PLCE1: variants seen among roughly 807,000 people sequenced by gnomAD.
PLCE1 encodes the protein phospholipase C epsilon 1.
In PLCE1, 119 loss-of-function variants were observed where a neutral mutation model predicts 242.8. The ratio of observed to expected loss-of-function variants is 0.49; its 90% CI spans 0.42 to 0.57. The LOEUF is 0.57. PLCE1 is among the 20% of genes least tolerant of loss of function. The pLI is 0.00. For missense variants in PLCE1, 2,441 were observed against 2,788.8 expected, an observed-to-expected ratio of 0.88 and a Z score of 2.81; for synonymous variants, 945 against 1,017.4, an observed-to-expected ratio of 0.93 and a Z score of 1.35.
intron 25 of PLCE1, among the ~76,000 whole-genome samples, chr10:94,305,145 C>G (rs565636328): frequency 6.6e-6 from 1 of 152,212 alleles, no homozygotes; most frequent in East Asian, 1.9e-4. Context: ...AAAAACAGAC[C>G]TGGCCAGGTG....
chr10:94,239,978 GTC>G (rs1427686093), intron 7 of PLCE1, among the ~76,000 whole-genome samples: 1 of 152,122 alleles, frequency 6.6e-6, no homozygotes, highest in African/African-American at 2.4e-5. Flanking sequence ...CCTTCATACA[GTC>G]TCACTTTCTG....
In PLCE1 at chr10:94,108,200, C is replaced by T. The variant is rs145501031; in HGVS notation, c.1207-23974C>T. ...CCAGTCCATTGGTAAGGCCTCCCAA[C>T]CCCATTCCACCCTATCACAAGCAAG... On this transcript the variant is annotated intron_variant, in intron 2 of 32. Transcript: ENST00000371380. Among the ~76,000 whole-genome samples, 739 of 152,298 alleles carry T rather than the reference C, an allele frequency of 4.9e-3. 2 individuals are homozygous for T. Among genetic ancestry groups the T allele is most frequent in the Non-Finnish European group, 7.4e-3 (501 of 68,016 alleles).
intron 3 of PLCE1, among the ~76,000 whole-genome samples, chr10:94,155,030 T>C (rs1329500287): frequency 6.6e-6 from 1 of 152,058 alleles, no homozygotes; most frequent in East Asian, 1.9e-4. Flanking sequence ...TAAGCATTGC[T>C]GTTGGGAACT....
intron 32 of PLCE1, chr10:94,325,609 A>AG (rs2053982602): frequency 6.7e-6 from 1 of 150,024 alleles, no homozygotes; most frequent in African/African-American, 2.5e-5. Context: ...AAAAAAAAAA[A>AG]GAAAAAAAAA....
chr10:94,080,298 GAC>G (rs1363330369), intron 2 of PLCE1, among the ~76,000 whole-genome samples: 3 of 152,068 alleles, frequency 2.0e-5, no homozygotes, highest in Admixed American at 6.6e-5. Flanking sequence ...CTCTGTCTGG[GAC>G]ACACTCTCCT....
At chr10:94,164,012 G>A (rs1057311590) in intron 3 of PLCE1, among the ~76,000 whole-genome samples, 12 of 152,128 alleles carry the variant, frequency 7.9e-5, no homozygotes, top group East Asian at 1.9e-4. Flanking sequence ...AGTTTCTGCC[G>A]AGAGATCAGC....
rs149077629 is a variant in PLCE1, at chr10:94,135,198, A to G, written c.1492+2739A>G. On this transcript the variant is annotated intron_variant, in intron 3 of 32. Transcript: ENST00000371380. Reference sequence around the variant, plus strand: ...GTTAGCTCAGTTGAACCATTCTACAATGTATACATATTACAAAACATCATG... The same window carrying G: ...GTTAGCTCAGTTGAACCATTCTACAGTGTATACATATTACAAAACATCATG... Among the ~76,000 whole-genome samples, 232 of 152,328 alleles carry G rather than the reference A, an allele frequency of 1.5e-3. 2 individuals are homozygous for G. The highest frequency in any genetic ancestry group is 4.7e-3 in the African/African-American group (195 of 41,574).
intron 24 of PLCE1, among the ~76,000 whole-genome samples, chr10:94,302,894 C>T (rs1443232772): frequency 6.6e-6 from 1 of 152,142 alleles, no homozygotes; most frequent in Non-Finnish European, 1.5e-5. Context: ...TTTACCAACC[C>T]CATATGAGCT....
Position 94,246,684 on chromosome 10 carries a change from A to G in PLCE1, c.3096+63A>G, listed in dbSNP as rs983690433. On this transcript the variant is annotated intron_variant, in intron 8 of 32. Transcript: ENST00000371380. ...AATACTCAAGAGCACACACTGGGTGACCAGACCACCAGGTTCATGCTCCCA... is the reference window on the plus strand; with the variant it reads ...AATACTCAAGAGCACACACTGGGTGGCCAGACCACCAGGTTCATGCTCCCA... The G allele has an allele frequency of 2.6e-5, 38 of 1,444,106 alleles. No homozygotes were observed. The African/African-American group carries it at 4.9e-4, about 19-fold the overall frequency. 89.5% of individuals were successfully genotyped at this position (1,444,106 alleles called of 1,614,324 possible). A position where few individuals can be genotyped will look rare whatever the true frequency, so the allele number is the denominator to read the frequency against.
chr10:94,032,295 T>C (rs751606067), intron 2 of PLCE1, 43 bp downstream of exon 2: 3 of 1,594,364 alleles, frequency 1.9e-6, no homozygotes, highest in Non-Finnish European at 2.6e-6. Context: ...TAAACTTGCT[T>C]TTTTTTTCAA....
Position 94,031,813 on chromosome 10 carries a change from G to T in PLCE1, c.767G>T (p.Cys256Phe). Residue 256 changes from cysteine to phenylalanine, a missense_variant, in exon 2 of 33, where the codon TGT becomes TTT. Around this residue, in one of 5 missense-constraint regions of PLCE1, gnomAD observed 393 missense variants for 378.5 expected, o/e 1.04. Coordinates refer to ENST00000371380, the MANE Select transcript of PLCE1 (RefSeq NM_016341.4). Reference protein sequence around the residue: ...NKNEQLQCDHCDTLNDKYFCF... With the variant: ...NKNEQLQCDHFDTLNDKYFCF... ...AATGAGCAGCTGCAGTGTGATCATT[G>T]TGACACCTTGAATGATAAATACTTT... The T allele has an allele frequency of 6.2e-7, 1 of 1,613,798 alleles. No homozygotes were observed. The highest frequency in any genetic ancestry group is 8.5e-7 in the Non-Finnish European group (1 of 1,179,826).
In PLCE1 at chr10:94,332,368, T is replaced by C. The variant is rs2054169876; in HGVS notation, c.*4425T>C. 6.6e-6 allele frequency: 1 copy of C among 152,136 alleles called. No individual in the cohort carries two copies. Among genetic ancestry groups the C allele is most frequent in the Admixed American group, 6.5e-5 (1 of 15,272 alleles). 9.4% of individuals were successfully genotyped at this position (152,136 alleles called of 1,614,324 possible). A position where few individuals can be genotyped will look rare whatever the true frequency, so the allele number is the denominator to read the frequency against. ...TTTGACTCAGCATGGAAGACTGAGG[T>C]TGTCTTACACCCATTATTTCCCACC... On this transcript the variant is annotated 3_prime_UTR_variant, in exon 33 of 33. Coordinates refer to ENST00000371380, the MANE Select transcript of PLCE1 (RefSeq NM_016341.4).
intron 2 of PLCE1, among the ~76,000 whole-genome samples, chr10:94,098,648 T>C (rs1284130853): frequency 1.3e-5 from 2 of 152,248 alleles, no homozygotes; most frequent in African/African-American, 2.4e-5. Context: ...TTTTCATCTC[T>C]AATAGATTAT....
At chr10:94,022,193 AG>A (rs2061386503) in intron 1 of PLCE1, among the ~76,000 whole-genome samples, 1 of 152,136 alleles carries the variant, frequency 6.6e-6, no homozygotes, top group Non-Finnish European at 1.5e-5. Context: ...GAATTTAACA[AG>A]GTTATAATTT....
chr10:94,311,322 T>C (rs1423938665), intron 27 of PLCE1, among the ~76,000 whole-genome samples: 2 of 152,236 alleles, frequency 1.3e-5, no homozygotes, highest in African/African-American at 4.8e-5. Context: ...CTTCTAATCA[T>C]GCCTTGGTCT....
At chr10:94,116,253 A>G (rs1312804869) in intron 2 of PLCE1, among the ~76,000 whole-genome samples, 1 of 152,170 alleles carries the variant, frequency 6.6e-6, no homozygotes, top group East Asian at 1.9e-4. Flanking sequence ...TGCTATATCT[A>G]TAGAACTTGG....
At chr10:94,029,464 T>TA (rs1056521631) in intron 1 of PLCE1, among the ~76,000 whole-genome samples, 2 of 152,186 alleles carry the variant, frequency 1.3e-5, no homozygotes, top group African/African-American at 4.8e-5. Flanking sequence ...TGTTGATGCA[T>TA]AGGGAGTGTT....
At chr10:94,078,631 A>C (rs1173836281) in intron 2 of PLCE1, among the ~76,000 whole-genome samples, 4 of 152,024 alleles carry the variant, frequency 2.6e-5, no homozygotes, top group Non-Finnish European at 5.9e-5. Flanking sequence ...GATGACAGGC[A>C]CCCACCACCA....
In PLCE1 at chr10:94,031,194, A is replaced by G; in HGVS notation, c.148A>G (p.Thr50Ala). 1 of 1,613,812 alleles carries G rather than the reference A, an allele frequency of 6.2e-7. No homozygotes were observed. Among genetic ancestry groups the G allele is most frequent in the Non-Finnish European group, 8.5e-7 (1 of 1,179,844 alleles). ...ACATACTGTCAGACGAAGTGGGGAGACTTCTCATACCATCTCACAACTGAA... is the reference window on the plus strand; with the variant it reads ...ACATACTGTCAGACGAAGTGGGGAGGCTTCTCATACCATCTCACAACTGAA... ...KAHTVRRSGE[T>A]SHTISQLNKL... Residue 50 changes from threonine (T) to alanine (A), a missense_variant, in exon 2 of 33, where the codon ACT (threonine) becomes GCT (alanine). Around this residue, in one of 5 missense-constraint regions of PLCE1, gnomAD observed 393 missense variants for 378.5 expected, o/e 1.04. Coordinates refer to ENST00000371380, the MANE Select transcript of PLCE1 (RefSeq NM_016341.4).
Sources: allele counts gnomAD v4.1 joint callset (sites outside exome capture counted in the v4.1 genomes callset), GRCh38; gene constraint gnomAD v4.1.1; regional missense constraint gnomAD v4.1.1; transcripts MANE v1.5; gene names NCBI Gene and HGNC (gene_info 2026-07-23, HGNC 2026-07-21).